Variants in AIF1 observed in about 807,000 individuals in gnomAD.
The protein encoded by AIF1 is allograft inflammatory factor 1.
Under a neutral mutation model 20.6 loss-of-function variants are expected in AIF1, and 21 were observed. The observed-to-expected ratio is 1.02, with a 90% CI of 0.72 to 1.47. AIF1 has a LOEUF of 1.47. Ranked by LOEUF, AIF1 falls within the 40% of genes most tolerant of loss-of-function variation. The pLI is 0.00. For synonymous variants in AIF1, 52 were observed against 65.8 expected, an observed-to-expected ratio of 0.79 and a Z score of 1.01; for missense variants, 161 against 170.5, an observed-to-expected ratio of 0.94 and a Z score of 0.31.
chr6:31,616,242 GC>G lies in AIF1; in HGVS notation c.197-99del. 1 of 1,613,048 alleles carries G rather than the reference GC, an allele frequency of 6.2e-7. No individual in the cohort carries two copies. The highest frequency in any genetic ancestry group is 8.5e-7 in the Non-Finnish European group (1 of 1,179,972). ...TCCATTCCTCATGATTTGGGAGGGG[GC>G]CCACCTACCACAGTGGGAGGAAGGA... On this transcript the variant is annotated intron_variant, in intron 4 of 5. Transcript: ENST00000376059. This position sits in a 1 kb window ranked among gnomAD's most constrained non-coding sequence, Gnocchi z 4.0.
At position 31,616,670 on chromosome 6, in the gene AIF1, G is replaced by A; in HGVS notation, c.360-146G>A. ...GACCCCATCCCTATCCATAGTCCTG[G>A]TCCCCAGAAACTCCAACCCCTGCCC... On this transcript the variant is annotated intron_variant, in intron 5 of 5. Coordinates refer to ENST00000376059, the MANE Select transcript of AIF1 (RefSeq NM_001623.5). This position sits in a 1 kb window ranked among gnomAD's most constrained non-coding sequence, Gnocchi z 4.0. 1.3e-6 allele frequency: 2 copies of A among 1,501,374 alleles called. No individual in the cohort carries two copies. Among genetic ancestry groups the A allele is most frequent in the Non-Finnish European group, 1.8e-6 (2 of 1,123,102 alleles). The allele number at this position is 1,501,374 out of a possible 1,614,324, so 93.0% of individuals were successfully genotyped here. A position where few individuals can be genotyped will look rare whatever the true frequency, so the allele number is the denominator to read the frequency against.
At position 31,617,003 on chromosome 6, in the gene AIF1, AC is replaced by A; in HGVS notation, c.*108del. 1 of 1,489,792 alleles carries A rather than the reference AC, an allele frequency of 6.7e-7. No individual in the cohort carries two copies. The highest frequency in any genetic ancestry group is 9.1e-7 in the Non-Finnish European group (1 of 1,095,090). The allele number at this position is 1,489,792 out of a possible 1,614,324, so 92.3% of individuals were successfully genotyped here. On this transcript the variant is annotated 3_prime_UTR_variant, in exon 6 of 6. Coordinates refer to ENST00000376059, the MANE Select transcript of AIF1 (RefSeq NM_001623.5). ...CCAGAGTCAACAAATTAAATAAATT[AC>A]CCCCTCCTCCAGATCAAGTCAGCTT...
Position 31,615,551 on chromosome 6 carries a change from A to C in AIF1, c.56A>C (p.Gln19Pro). ...GGKAFGLLKA[Q>P]QEERLDEINK... ...AAAGCTTTCGGACTGCTGAAGGCCC[A>C]GCAGGAAGAGAGGCTGGATGAGATC... is the stretch of plus-strand genomic sequence containing the variant. The change falls in exon 2 of 6, where the codon CAG (glutamine) becomes CCG (proline). Residue 19 changes from glutamine to proline, a missense_variant. By Grantham distance (76) the Gln-to-Pro change is moderately conservative. Coordinates refer to ENST00000376059, the MANE Select transcript of AIF1 (RefSeq NM_001623.5). The C allele has an allele frequency of 6.2e-7, 1 of 1,613,840 alleles. No individual in the cohort carries two copies. The highest frequency in any genetic ancestry group is 1.1e-5 in the South Asian group (1 of 91,062).
chr6:31,615,634 G>C (rs1386676681), intron 2 of AIF1, 36 bp from the exon 3 acceptor site: 2 of 1,613,228 alleles, frequency 1.2e-6, no homozygotes, highest in Non-Finnish European at 1.7e-6. Context: ...CGTGGATGGG[G>C]AGGGCCTACC....
chr6:31,615,968 A>G, intron 3 of AIF1, 136 bp from the exon 4 acceptor site: 1 of 1,501,768 alleles, frequency 6.7e-7, no homozygotes, highest in Non-Finnish European at 8.9e-7. Flanking sequence ...CCCCAACCCC[A>G]CTTCCTCTGC....
chr6:31,615,411 T>C, intron 1 of AIF1, 57 bp downstream of exon 1: 1 of 1,613,364 alleles, frequency 6.2e-7, no homozygotes, highest in Non-Finnish European at 8.5e-7. Context: ...TGGACAGACC[T>C]GGGCTGTGGG....
At chr6:31,615,860 G>A in intron 3 of AIF1, 124 bp downstream of exon 3, 3 of 1,504,860 alleles carry the variant, frequency 2.0e-6, no homozygotes, top group Non-Finnish European at 2.7e-6. Flanking sequence ...AGGGGAACCT[G>A]CCTTTATTGC....
chr6:31,615,867 T>C (rs1349626107), intron 3 of AIF1, 131 bp downstream of exon 3: 4 of 1,502,220 alleles, frequency 2.7e-6, no homozygotes, highest in Non-Finnish European at 3.6e-6. Flanking sequence ...CCTGCCTTTA[T>C]TGCCCTCCTG....
chr6:31,616,083 C>T lies in AIF1; in HGVS notation c.155-21C>T. The T allele has an allele frequency of 6.4e-7, 1 of 1,562,326 alleles. No individual in the cohort carries two copies. The highest frequency in any genetic ancestry group is 8.7e-7 in the Non-Finnish European group (1 of 1,153,404). ...ACCCTCCAGTCAGCGCTTATCCCTT[C>T]TGCTCTCTCCCCTCACCCAGAGAAA... On this transcript the variant is annotated intron_variant, in intron 3 of 5. Coordinates refer to ENST00000376059, the MANE Select transcript of AIF1 (RefSeq NM_001623.5). This position sits in a 1 kb window ranked among gnomAD's most constrained non-coding sequence, Gnocchi z 4.0.
At position 31,615,313 on chromosome 6, in the gene AIF1, C is replaced by T. The variant is rs202047425; in HGVS notation, c.-17C>T. 1.1e-5 allele frequency: 17 copies of T among 1,614,028 alleles called. No homozygotes were observed. In the African/African-American group the frequency reaches 2.1e-4, roughly 20 times the overall value. ...AGCTTGGTCTGTCTCCCCACCTCTA[C>T]CAGCATCTGCTGAGCTATGAGCCAA... is the stretch of plus-strand genomic sequence containing the variant. On this transcript the variant is annotated 5_prime_UTR_variant, in exon 1 of 6. Transcript: ENST00000376059.
chr6:31,616,990 A>G lies in AIF1; in HGVS notation c.*90A>G, dbSNP rs1321811703. ...ACAAAATTGTAAGCCAGAGTCAACA[A>G]ATTAAATAAATTACCCCCTCCTCCA... On this transcript the variant is annotated 3_prime_UTR_variant, in exon 6 of 6. Transcript: ENST00000376059. This position sits in a 1 kb window ranked among gnomAD's most constrained non-coding sequence, Gnocchi z 4.0. 9 of 1,525,016 alleles carry G rather than the reference A, an allele frequency of 5.9e-6. No individual in the cohort carries two copies. The highest frequency in any genetic ancestry group is 1.4e-5 in the African/African-American group (1 of 72,328). The allele number at this position is 1,525,016 out of a possible 1,614,324, so 94.5% of individuals were successfully genotyped here. A position where few individuals can be genotyped will look rare whatever the true frequency, so the allele number is the denominator to read the frequency against.
chr6:31,615,682 G>A lies in AIF1; in HGVS notation c.100G>A (p.Asp34Asn), dbSNP rs753441932. Residue 34 changes from aspartate (D) to asparagine (N), a missense_variant, in exon 3 of 6, where the codon GAT becomes AAT. Physicochemically the swap from Asp to Asn is conservative, Grantham distance 23. Transcript: ENST00000376059. Reference protein sequence around the residue: ...LDEINKQFLDDPKYSSDEDLP... With the variant: ...LDEINKQFLDNPKYSSDEDLP... ...TTCCCCTCCATAGCAATTCCTAGACGATCCCAAATATAGCAGTGATGAGGA... is the reference window on the plus strand; with the variant it reads ...TTCCCCTCCATAGCAATTCCTAGACAATCCCAAATATAGCAGTGATGAGGA... The A allele has an allele frequency of 1.9e-5, 30 of 1,612,936 alleles. No individual in the cohort carries two copies. Among genetic ancestry groups the A allele is most frequent in the Middle Eastern group, 1.6e-4 (1 of 6,076 alleles).
At chr6:31,615,782 G>A (rs773204869) in intron 3 of AIF1, 46 bp downstream of exon 3, 2 of 1,582,032 alleles carry the variant, frequency 1.3e-6, no homozygotes, top group Non-Finnish European at 1.7e-6. Flanking sequence ...GGGGGTAGGA[G>A]GGTTAGGATT....
At position 31,615,669 on chromosome 6, in the gene AIF1, G is replaced by T; in HGVS notation, c.88-1G>T. On this transcript the variant is annotated splice_acceptor_variant, in intron 2 of 5. Transcript: ENST00000376059. LOFTEE classifies it high-confidence loss of function. ...CCTGGCTCTTATTTTCCCCTCCATAGCAATTCCTAGACGATCCCAAATATA... is the reference window on the plus strand; with the variant it reads ...CCTGGCTCTTATTTTCCCCTCCATATCAATTCCTAGACGATCCCAAATATA... 3 of 1,613,118 alleles carry T rather than the reference G, an allele frequency of 1.9e-6. No homozygotes were observed. In the South Asian group the frequency reaches 3.3e-5, roughly 18 times the overall value.
At chr6:31,615,970 T>C in intron 3 of AIF1, 134 bp from the exon 4 acceptor site, 1 of 1,506,524 alleles carries the variant, frequency 6.6e-7, no homozygotes, top group Admixed American at 2.4e-5. Context: ...CCAACCCCAC[T>C]TCCTCTGCCT....
In AIF1 at chr6:31,616,839, C is replaced by T. The variant is rs778733486; in HGVS notation, c.383C>T (p.Ala128Val). ...AGGATCCTGATGTATGAGGAAAAAG[C>T]GAGAGAAAAGGAAAAGCCAACAGGC... is the stretch of plus-strand genomic sequence containing the variant. Reference protein sequence around the residue: ...LKMILMYEEKAREKEKPTGPP... With the variant: ...LKMILMYEEKVREKEKPTGPP... Residue 128 changes from alanine (A) to valine (V), a missense_variant, in exon 6 of 6, where the codon GCG becomes GTG. By Grantham distance (64) the Ala-to-Val change is moderately conservative. Transcript: ENST00000376059. This position sits in a 1 kb window ranked among gnomAD's most constrained non-coding sequence, Gnocchi z 4.0. The T allele has an allele frequency of 2.3e-5, 37 of 1,613,936 alleles. No individual in the cohort carries two copies. The highest frequency in any genetic ancestry group is 5.0e-5 in the Admixed American group (3 of 59,990).
In AIF1 at chr6:31,616,830, A is replaced by T. The variant is rs757414577; in HGVS notation, c.374A>T (p.Glu125Val). Residue 125 changes from glutamate (E) to valine (V), a missense_variant, in exon 6 of 6, where the codon GAG becomes GTG. By Grantham distance (121) the Glu-to-Val change is moderately radical (BLOSUM62 -2). Coordinates refer to ENST00000376059, the MANE Select transcript of AIF1 (RefSeq NM_001623.5). The surrounding 1 kb of genome is among the most constrained non-coding windows in gnomAD (Gnocchi z 4.0). ...ATCTCAACCAGGATCCTGATGTATG[A>T]GGAAAAAGCGAGAGAAAAGGAAAAG... ...SAILKMILMY[E>V]EKAREKEKPT... The T allele has an allele frequency of 2.5e-6, 4 of 1,614,010 alleles. No individual in the cohort carries two copies. In the African/African-American group the frequency reaches 5.3e-5, roughly 22 times the overall value.
Position 31,615,266 on chromosome 6 carries a change from G to C in AIF1, c.-64G>C. 6.2e-7 allele frequency: 1 copy of C among 1,612,566 alleles called. No homozygotes were observed. The highest frequency in any genetic ancestry group is 8.5e-7 in the Non-Finnish European group (1 of 1,179,288). On this transcript the variant is annotated 5_prime_UTR_variant, in exon 1 of 6. Coordinates refer to ENST00000376059, the MANE Select transcript of AIF1 (RefSeq NM_001623.5). ...TGAGAAGACTGGTGGGAGAGAAGGA[G>C]AGCCTGCAGACAGAGGCCTCCAGCT... is the stretch of plus-strand genomic sequence containing the variant.
Position 31,615,512 on chromosome 6 carries a change from AC to A in AIF1, c.26-5del. On this transcript the variant is annotated splice_polypyrimidine_tract_variant and splice_region_variant and intron_variant, in intron 1 of 5. Coordinates refer to ENST00000376059, the MANE Select transcript of AIF1 (RefSeq NM_001623.5). The stretch of plus-strand genomic sequence containing the variant: ...GGATGAGGGCTGATTAATTTTTTTC[AC>A]CCCACAGGAGGAAAAGCTTTCGGAC... 2 of 1,612,546 alleles carry A rather than the reference AC, an allele frequency of 1.2e-6. No individual in the cohort carries two copies. Among genetic ancestry groups the A allele is most frequent in the South Asian group, 1.1e-5 (1 of 91,012 alleles).
Sources: gnomAD v4.1 joint callset for allele counts on GRCh38, gnomAD v4.1.1 for gene constraint, Gnocchi (gnomAD v3.1) non-coding constraint, MANE v1.5 for transcripts, NCBI Gene and HGNC (gene_info 2026-07-23, HGNC 2026-07-21) for gene names.